Variants in PSD3 observed in about 807,000 individuals in gnomAD.
The protein encoded by PSD3 is pleckstrin and Sec7 domain containing 3.
A neutral mutation model predicts 105.5 loss-of-function variants in PSD3; 49 were observed. That is an observed-to-expected ratio of 0.46 (90% CI 0.37 to 0.59). The LOEUF (loss-of-function observed/expected upper bound fraction) is 0.59. PSD3 is among the 20% of genes least tolerant of loss of function. The pLI is 0.00. For missense variants in PSD3, 1,561 were observed against 1,263.8 expected (o/e 1.24, Z -3.57); for synonymous variants, 557 against 457.8 (o/e 1.22, Z -2.77).
Position 18,872,079 on chromosome 8 carries a change from G to A in PSD3, c.785C>T (p.Ser262Phe). 1 of 1,614,184 alleles carries A rather than the reference G, an allele frequency of 6.2e-7. No homozygotes were observed. Residue 262 changes from serine to phenylalanine, a missense_variant, in exon 3 of 16, where the codon TCT becomes TTT. Coordinates refer to ENST00000327040, the MANE Select transcript of PSD3 (RefSeq NM_015310.4). ...TTTCAAGAAACCAACACTGCCTGCA[G>A]AGTGGCAGGTCACTGCTGAGCTCCC... is the stretch of plus-strand genomic sequence containing the variant. ...SLGSSAVTCH[S>F]AGSVGFLKEQ...
chr8:18,930,295 A>T (rs557983415), intron 2 of PSD3, among the ~76,000 whole-genome samples: 1 of 152,330 alleles, frequency 6.6e-6, no homozygotes, highest in Admixed American at 6.5e-5. Flanking sequence ...TGCATACTGC[A>T]TACTAAATCA....
intron 8 of PSD3, among the ~76,000 whole-genome samples, chr8:18,770,604 G>A (rs545229787): frequency 2.0e-5 from 3 of 152,174 alleles, no homozygotes; most frequent in South Asian, 2.1e-4. Flanking sequence ...ACGGCAGCTC[G>A]GGCAAATGCC....
chr8:18,790,984 A>G (rs372197549), intron 8 of PSD3, among the ~76,000 whole-genome samples: 1 of 152,230 alleles, frequency 6.6e-6, no homozygotes. Context: ...ACTGCCAACA[A>G]AAGAATAACA....
At chr8:18,640,766 C>T (rs1038027796) in intron 10 of PSD3, among the ~76,000 whole-genome samples, 4 of 152,174 alleles carry the variant, frequency 2.6e-5, no homozygotes, top group Admixed American at 1.3e-4. Context: ...CCTGTTCTTT[C>T]CTCTCTATTT....
chr8:18,754,925 T>C (rs1805893679), intron 9 of PSD3, among the ~76,000 whole-genome samples: 1 of 152,178 alleles, frequency 6.6e-6, no homozygotes, highest in Non-Finnish European at 1.5e-5. Context: ...GATAGAATAT[T>C]TGCCATGGTA....
At chr8:18,930,295 A>C (rs557983415) in intron 2 of PSD3, among the ~76,000 whole-genome samples, 1 of 152,212 alleles carries the variant, frequency 6.6e-6, no homozygotes, top group Admixed American at 6.5e-5. Context: ...TGCATACTGC[A>C]TACTAAATCA....
intron 15 of PSD3, among the ~76,000 whole-genome samples, chr8:18,549,402 T>G (rs904869155): frequency 2.6e-5 from 4 of 152,154 alleles, no homozygotes; most frequent in African/African-American, 9.7e-5. Context: ...TGAGACGGGT[T>G]TCACCATGTT....
intron 12 of PSD3, among the ~76,000 whole-genome samples, chr8:18,580,494 G>A (rs1184853089): frequency 6.6e-6 from 1 of 152,006 alleles, no homozygotes; most frequent in Non-Finnish European, 1.5e-5. Flanking sequence ...AAGCTGCAGT[G>A]AACTGTGATC....
chr8:18,687,395 G>A (rs1362962963), intron 9 of PSD3, among the ~76,000 whole-genome samples: 4 of 152,134 alleles, frequency 2.6e-5, no homozygotes, highest in East Asian at 1.9e-4. Context: ...GAGCCCAGGA[G>A]GTTGAGGTTG....
At chr8:18,808,299 T>C (rs1327911661) in intron 4 of PSD3, among the ~76,000 whole-genome samples, 7 of 152,208 alleles carry the variant, frequency 4.6e-5, no homozygotes, top group Non-Finnish European at 7.4e-5. Context: ...CACTGCTCAT[T>C]TCCCAGGGAA....
Position 18,567,383 on chromosome 8 carries a change from A to G in PSD3, c.2784+5145T>C, listed in dbSNP as rs560068967. Among the ~76,000 whole-genome samples the G allele has an allele frequency of 3.7e-4, 56 of 152,244 alleles. No homozygotes were observed. The South Asian group carries it at 0.012, about 32-fold the overall frequency. ...GGTATGCTGCTTATGTTAAGTATGC[A>G]TATTTAAAGCAGAGAAATGCATTTG... is the stretch of plus-strand genomic sequence containing the variant. On this transcript the variant is annotated intron_variant, in intron 14 of 15. Transcript: ENST00000327040.
intron 4 of PSD3, among the ~76,000 whole-genome samples, chr8:18,843,047 T>A (rs1487670906): frequency 6.6e-6 from 1 of 152,206 alleles, no homozygotes; most frequent in East Asian, 1.9e-4. Context: ...GCCTTTGCTA[T>A]AGCTGTTAAT....
chr8:18,572,485 A>G (rs762935185), intron 14 of PSD3, 43 bp downstream of exon 14: 4 of 1,591,846 alleles, frequency 2.5e-6, no homozygotes, highest in South Asian at 2.2e-5. Context: ...ATTATTTTAC[A>G]AAGTACTTTT....
intron 9 of PSD3, among the ~76,000 whole-genome samples, chr8:18,752,022 T>A (rs28462986): frequency 0.077 from 7,951 of 103,874 alleles, 491 homozygotes; most frequent in East Asian, 0.31. Context: ...TAAAAATACA[T>A]AAAAAAAAAA....
chr8:18,713,463 T>G lies in PSD3; in HGVS notation c.2172+51986A>C, dbSNP rs1802381259. Among the ~76,000 whole-genome samples, 4 of 152,092 alleles carry G rather than the reference T, an allele frequency of 2.6e-5. No individual in the cohort carries two copies. The South Asian group carries it at 8.3e-4, about 31-fold the overall frequency. On this transcript the variant is annotated intron_variant, in intron 9 of 15. Coordinates refer to ENST00000327040, the MANE Select transcript of PSD3 (RefSeq NM_015310.4). ...AGGATACAAAATCAATGTGCAAAAA[T>G]GATAAGCATTCCTATACACCAACAA...
chr8:18,878,361 T>C (rs145097482), intron 2 of PSD3, among the ~76,000 whole-genome samples: 1 of 152,182 alleles, frequency 6.6e-6, no homozygotes. Context: ...TACCAGATCA[T>C]GTCATCTGTG....
chr8:18,771,928 T>C (rs1292224900), intron 8 of PSD3, among the ~76,000 whole-genome samples: 1 of 152,246 alleles, frequency 6.6e-6, no homozygotes, highest in East Asian at 1.9e-4. Context: ...CGTTCTACTT[T>C]CTGTTTATAT....
In PSD3 at chr8:18,825,347, T is replaced by C. The variant is rs78714088; in HGVS notation, c.1635-20449A>G. ...TGTCTGTAAGAGTCACCTGGGAAGC[T>C]TGTTAAAAACACACATGGCCAGGTA... On this transcript the variant is annotated intron_variant, in intron 4 of 15. Transcript: ENST00000327040. Among the ~76,000 whole-genome samples the C allele has an allele frequency of 3.3e-4, 51 of 152,326 alleles. No individual in the cohort carries two copies. The East Asian group carries it at 8.7e-3, about 26-fold the overall frequency.
rs553546429 is a variant in PSD3, at chr8:18,921,356, G to A, written c.130+14678C>T. 3.9e-5 allele frequency among the ~76,000 whole-genome samples: 6 copies of A among 152,346 alleles called. No homozygotes were observed. In the South Asian group the frequency reaches 1.0e-3, roughly 26 times the overall value. ...TTAAAACACAATGGTTCTCGAGCCT[G>A]TATGTGCATGACAACAAACACTAGG... is the stretch of plus-strand genomic sequence containing the variant. On this transcript the variant is annotated intron_variant, in intron 2 of 15. Coordinates refer to ENST00000327040, the MANE Select transcript of PSD3 (RefSeq NM_015310.4).
Sources: allele counts gnomAD v4.1 joint callset (sites outside exome capture counted in the v4.1 genomes callset), GRCh38; gene constraint gnomAD v4.1.1; transcripts MANE v1.5; gene names NCBI Gene and HGNC (gene_info 2026-07-23, HGNC 2026-07-21).